Variants in ATG2B observed in about 807,000 individuals in gnomAD.
ATG2B encodes autophagy related 2B, also known as autophagy-related protein 2 homolog B.
A neutral mutation model predicts 241.3 loss-of-function variants in ATG2B; 121 were observed. That is an observed-to-expected ratio of 0.50 (90% CI 0.43 to 0.58). The LOEUF (loss-of-function observed/expected upper bound fraction) is 0.58, where lower values mean the gene tolerates loss of function less well. ATG2B is among the 20% of genes least tolerant of loss of function. ATG2B has a pLI of 0.00. For synonymous variants in ATG2B, 858 were observed against 876.6 expected (o/e 0.98, Z 0.37); for missense variants, 2,306 against 2,491.6 (o/e 0.93, Z 1.59).
chr14:96,339,954 A>C (rs1887967410), intron 6 of ATG2B, among the ~76,000 whole-genome samples: 2 of 151,240 alleles, frequency 1.3e-5, no homozygotes, highest in African/African-American at 4.9e-5. Flanking sequence ...ATTCCACATA[A>C]GGTATATACC....
chr14:96,322,237 G>T lies in ATG2B; in HGVS notation c.2754C>A (p.Asp918Glu). 6 of 1,593,378 alleles carry T rather than the reference G, an allele frequency of 3.8e-6. No individual in the cohort carries two copies. The highest frequency in any genetic ancestry group is 5.1e-6 in the Non-Finnish European group (6 of 1,174,128). ...CCTGAAATTCTGTCATTTCTACAGG[G>T]TCTCCTGGCATCACCATCTAAAACA... ...FENEQMVMPG[D>E]PVEMTEFQDK... Residue 918 changes from aspartate to glutamate, a missense_variant, in exon 18 of 42, where the codon GAC becomes GAA. This residue lies in a region of ATG2B where 1,927 missense variants were observed against 2,011.2 expected (regional missense o/e 0.96). Transcript: ENST00000359933.
intron 36 of ATG2B, 22 bp from the exon 37 acceptor site, chr14:96,292,120 A>T (rs752400723): frequency 6.6e-7 from 1 of 1,505,160 alleles, no homozygotes; most frequent in East Asian, 2.3e-5. Context: ...GGAAGGAGGG[A>T]GTTATTTACA....
At chr14:96,314,767 C>T in intron 23 of ATG2B, among the ~76,000 whole-genome samples, 1 of 152,272 alleles carries the variant, frequency 6.6e-6, no homozygotes, top group Admixed American at 6.5e-5. Flanking sequence ...GTGGCACGAT[C>T]TCAGCTCACT....
Position 96,317,124 on chromosome 14 carries a change from CT to C in ATG2B, c.3210+20del. 6.3e-7 allele frequency: 1 copy of C among 1,582,340 alleles called. No individual in the cohort carries two copies. Among genetic ancestry groups the C allele is most frequent in the Non-Finnish European group, 8.6e-7 (1 of 1,162,386 alleles). ...AAAGTAAGATACATTTGAAAAAACACTTCGGATTTGTAAACCTCACCTTCAC... is the reference window on the plus strand; with the variant it reads ...AAAGTAAGATACATTTGAAAAAACACTCGGATTTGTAAACCTCACCTTCAC... On this transcript the variant is annotated intron_variant, in intron 20 of 41. Coordinates refer to ENST00000359933, the MANE Select transcript of ATG2B (RefSeq NM_018036.7).
Position 96,317,845 on chromosome 14 carries a change from C to A in ATG2B, c.2890G>T (p.Asp964Tyr). 6.2e-7 allele frequency: 1 copy of A among 1,603,020 alleles called. No individual in the cohort carries two copies. Among genetic ancestry groups the A allele is most frequent in the South Asian group, 1.1e-5 (1 of 88,922 alleles). The change falls in exon 19 of 42, where the codon GAC becomes TAC. Residue 964 changes from aspartate (D) to tyrosine (Y), a missense_variant. Around this residue, in one of 2 missense-constraint regions of ATG2B, gnomAD observed 1,927 missense variants for 2,011.2 expected, o/e 0.96. Transcript: ENST00000359933. ...GCTGTTGGTTCCCACAGTAGCAAGT[C>A]ATTAAAGATCCTATAAAGACAAAAG... The part of the protein sequence containing the change: ...YEKLYNRIFN[D>Y]LLLWEPTAPS...
chr14:96,299,226 G>T (rs1367500686), intron 34 of ATG2B, among the ~76,000 whole-genome samples: 1 of 152,016 alleles, frequency 6.6e-6, no homozygotes, highest in Non-Finnish European at 1.5e-5. Flanking sequence ...ATCTTCACCT[G>T]CCTAGCTCCA....
At chr14:96,344,804 A>C in intron 3 of ATG2B, 48 bp from the exon 4 acceptor site, 2 of 788,308 alleles carry the variant, frequency 2.5e-6, no homozygotes, top group Non-Finnish European at 3.9e-6. Context: ...ATATATGCTA[A>C]ATAAAAACCT....
At chr14:96,333,122 T>C (rs540361783) in intron 8 of ATG2B, among the ~76,000 whole-genome samples, 1 of 152,136 alleles carries the variant, frequency 6.6e-6, no homozygotes, top group Non-Finnish European at 1.5e-5. Flanking sequence ...AAGTTTATTA[T>C]GGCCAAAATT....
intron 1 of ATG2B, among the ~76,000 whole-genome samples, chr14:96,358,772 T>C (rs539093001): frequency 8.0e-4 from 120 of 150,762 alleles, no homozygotes; most frequent in African/African-American, 2.8e-3. Flanking sequence ...TTTTTTTTTT[T>C]AGTCACCACT....
At position 96,344,658 on chromosome 14, in the gene ATG2B, C is replaced by G; in HGVS notation, c.577G>C (p.Glu193Gln). ...KTGTALEIRIERTVYCDETAD... is the reference protein window; with the variant it reads ...KTGTALEIRIQRTVYCDETAD... ...TTCAGACATAAGAATTCTTACCTTT[C>G]TATTCGAATTTCAAGTGCAGTTCCA... Residue 193 changes from glutamate to glutamine, a missense_variant, in exon 4 of 42, where the codon GAA (glutamate) becomes CAA (glutamine). Transcript: ENST00000359933. The G allele has an allele frequency of 1.3e-6, 2 of 1,579,060 alleles. No individual in the cohort carries two copies. The highest frequency in any genetic ancestry group is 1.7e-6 in the Non-Finnish European group (2 of 1,154,266).
chr14:96,363,123 A>T lies in ATG2B; in HGVS notation c.-147T>A. ...TTGGTGCCGGGAGTCCCTCAGGGAG[A>T]CCCCATCGCCGGCGCCGCACCGCTC... On this transcript the variant is annotated 5_prime_UTR_variant, in exon 1 of 42. Transcript: ENST00000359933. 2 of 863,480 alleles carry T rather than the reference A, an allele frequency of 2.3e-6. No homozygotes were observed. The highest frequency in any genetic ancestry group is 3.6e-6 in the Non-Finnish European group (2 of 551,452). 53.5% of individuals were successfully genotyped at this position (863,480 alleles called of 1,614,324 possible).
intron 18 of ATG2B, among the ~76,000 whole-genome samples, chr14:96,321,378 T>C (rs1200714571): frequency 6.6e-6 from 1 of 152,216 alleles, no homozygotes; most frequent in African/African-American, 2.4e-5. Context: ...TCAGGTATGC[T>C]ACGGAGAAAT....
rs75597833 is a variant in ATG2B, at chr14:96,289,472, A to C, written c.6006+184T>G. The stretch of plus-strand genomic sequence containing the variant: ...CAATCACTAGTATTCCTGTCAGCCT[A>C]TTGGTCCCAGACTGGCCCTTTTCCA... On this transcript the variant is annotated intron_variant, in intron 41 of 41. Transcript: ENST00000359933. This position sits in a 1 kb window ranked among gnomAD's most constrained non-coding sequence, Gnocchi z 4.3. 3.2e-6 allele frequency: 2 copies of C among 631,730 alleles called. No homozygotes were observed. The highest frequency in any genetic ancestry group is 3.6e-5 in the African/African-American group (2 of 54,890). 39.1% of individuals were successfully genotyped at this position (631,730 alleles called of 1,614,324 possible).
intron 36 of ATG2B, chr14:96,293,195 C>T (rs867818313): frequency 3.3e-5 from 5 of 152,150 alleles, no homozygotes; most frequent in Non-Finnish European, 5.9e-5. Context: ...CCTAAGCCAT[C>T]TCACCAAAGT....
chr14:96,329,672 TA>T, intron 11 of ATG2B, 38 bp from the exon 12 acceptor site: 1 of 1,380,418 alleles, frequency 7.2e-7, no homozygotes, highest in Non-Finnish European at 1.0e-6. Context: ...TTATTAGTGT[TA>T]AAATGTAACA....
intron 1 of ATG2B, among the ~76,000 whole-genome samples, chr14:96,356,416 T>C (rs1888477183): frequency 6.6e-6 from 1 of 152,076 alleles, no homozygotes; most frequent in African/African-American, 2.4e-5. Flanking sequence ...AAAAGAGAAA[T>C]GTATTTTCAC....
chr14:96,307,902 C>G (rs1443131198), intron 29 of ATG2B, among the ~76,000 whole-genome samples: 1 of 151,908 alleles, frequency 6.6e-6, no homozygotes, highest in Non-Finnish European at 1.5e-5. Context: ...GTCACTCATT[C>G]TTTTCCCATT....
intron 18 of ATG2B, among the ~76,000 whole-genome samples, chr14:96,318,561 A>G (rs1293508430): frequency 6.6e-6 from 1 of 152,218 alleles, no homozygotes; most frequent in Admixed American, 6.5e-5. Context: ...TTCACTGGGA[A>G]GACTTCATGA....
At position 96,315,137 on chromosome 14, in the gene ATG2B, T is replaced by C. The variant is rs370939000; in HGVS notation, c.3642+17A>G. ...AAATTTTTAAATAAATTAATACATA[T>C]ATAACAGCTCTCTTACCTGCTCATG... On this transcript the variant is annotated intron_variant, in intron 23 of 41. Coordinates refer to ENST00000359933, the MANE Select transcript of ATG2B (RefSeq NM_018036.7). 5.0e-6 allele frequency: 8 copies of C among 1,598,716 alleles called. No individual in the cohort carries two copies. Among genetic ancestry groups the C allele is most frequent in the South Asian group, 4.4e-5 (4 of 90,534 alleles).
Sources: allele counts gnomAD v4.1 joint callset (sites outside exome capture counted in the v4.1 genomes callset), GRCh38; gene constraint gnomAD v4.1.1; regional missense constraint gnomAD v4.1.1; non-coding constraint Gnocchi (gnomAD v3.1); transcripts MANE v1.5; gene names NCBI Gene and HGNC (gene_info 2026-07-23, HGNC 2026-07-21).